CIC: variants seen among roughly 807,000 people sequenced by gnomAD.
CIC encodes the protein capicua transcriptional repressor.
Under a neutral mutation model 115.7 loss-of-function variants are expected in CIC, and 18 were observed. That is an observed-to-expected ratio of 0.16 (90% CI 0.11 to 0.23). The LOEUF is 0.23. Ranked by LOEUF, CIC falls within the 10% of genes least tolerant of loss-of-function variation. CIC has a pLI of 1.00. For synonymous variants in CIC, 1,076 were observed against 923.0 expected, an observed-to-expected ratio of 1.17 and a Z score of -3.01; for missense variants, 2,000 against 2,159.3, an observed-to-expected ratio of 0.93 and a Z score of 1.46.
intron 2 of CIC, among the ~76,000 whole-genome samples, chr19:42,285,096 G>A (rs1232177724): frequency 1.3e-5 from 2 of 152,130 alleles, no homozygotes; most frequent in Admixed American, 6.5e-5. Flanking sequence ...TGGTCCTAGG[G>A]GAGGAGGCTT....
At chr19:42,282,707 A>C (rs1331495696) in intron 2 of CIC, among the ~76,000 whole-genome samples, 2 of 152,208 alleles carry the variant, frequency 1.3e-5, no homozygotes, top group African/African-American at 4.8e-5. Flanking sequence ...TGATCTTGCC[A>C]CAGTTTATTC....
chr19:42,270,283 G>A lies in CIC; in HGVS notation c.-11+902G>A, dbSNP rs1260768300. Among the ~76,000 whole-genome samples, 3 of 152,204 alleles carry A rather than the reference G, an allele frequency of 2.0e-5. No homozygotes were observed. Among genetic ancestry groups the A allele is most frequent in the Non-Finnish European group, 4.4e-5 (3 of 68,034 alleles). ...AGGACCCCAGGATTGGCCCAAGAAA[G>A]GGCAGGCCTGGGACTCCAGGGTCCA... On this transcript the variant is annotated intron_variant, in intron 1 of 20. Coordinates refer to ENST00000681038, the MANE Select transcript of CIC (RefSeq NM_001386298.1). The surrounding 1 kb of genome is among the most constrained non-coding windows in gnomAD (Gnocchi z 4.1).
chr19:42,271,248 G>A (rs2036780321), intron 1 of CIC, among the ~76,000 whole-genome samples: 1 of 152,226 alleles, frequency 6.6e-6, no homozygotes, highest in Non-Finnish European at 1.5e-5. Context: ...AAATGGTCAG[G>A]AGCACGGACT....
At chr19:42,293,382 T>C (rs538050517) in intron 16 of CIC, 101 bp downstream of exon 16, 964 of 1,373,142 alleles carry the variant, frequency 7.0e-4, no homozygotes, top group Non-Finnish European at 7.3e-4. Flanking sequence ...TGCCTGTGTG[T>C]CTCTCAGGTT....
Position 42,292,339 on chromosome 19 carries a change from C to T in CIC, c.5775C>T (p.Pro1925=). ...YVQSAGGHAL[P]LGTSPASSQA... ...AGTCAGCGGGCGGGCACGCGCTGCC[C>T]CTGGGTACCAGCCCTGCGTCCAGCC... is the stretch of plus-strand genomic sequence containing the variant. The change falls in exon 14 of 21, where the codon CCC becomes CCT. Residue 1925 remains proline (P), a synonymous_variant. Coordinates refer to ENST00000681038, the MANE Select transcript of CIC (RefSeq NM_001386298.1). 1 of 1,613,116 alleles carries T rather than the reference C, an allele frequency of 6.2e-7. No homozygotes were observed. The highest frequency in any genetic ancestry group is 8.5e-7 in the Non-Finnish European group (1 of 1,179,960).
In CIC at chr19:42,290,968, T is replaced by C. The variant is rs1415670737; in HGVS notation, c.4927T>C (p.Ser1643Pro). The C allele has an allele frequency of 6.2e-7, 1 of 1,613,672 alleles. No individual in the cohort carries two copies. The highest frequency in any genetic ancestry group is 2.2e-5 in the East Asian group (1 of 44,878). ...CAGCTTAGTGTATTCGGACAAGAAG[T>C]CGGCAGCAGCCACCTCACCAGCCCC... The part of the protein sequence containing the change: ...GVSLVYSDKK[S>P]AAATSPAPHL... Residue 1643 changes from serine (S) to proline (P), a missense_variant, in exon 11 of 21, where the codon TCG becomes CCG. This residue lies in a region of CIC where 1,466 missense variants were observed against 1,390.4 expected (regional missense o/e 1.05). Transcript: ENST00000681038.
Position 42,295,219 on chromosome 19 carries a change from A to G in CIC, c.*28A>G, listed in dbSNP as rs1440458407. On this transcript the variant is annotated 3_prime_UTR_variant, in exon 21 of 21. Transcript: ENST00000681038. ...GACCCCTGAGAAGATGCCAGGACTT[A>G]TAGTACCCCCTCAGGACATGGACAG... 6.6e-7 allele frequency: 1 copy of G among 1,517,534 alleles called. No homozygotes were observed. Among genetic ancestry groups the G allele is most frequent in the Non-Finnish European group, 8.8e-7 (1 of 1,137,580 alleles). The allele number at this position is 1,517,534 out of a possible 1,614,324, so 94.0% of individuals were successfully genotyped here. A position where few individuals can be genotyped will look rare whatever the true frequency, so the allele number is the denominator to read the frequency against.
rs966865153 is a variant in CIC, at chr19:42,274,313, C to T, written c.2530C>T (p.Arg844Cys). The change falls in exon 2 of 21, where the codon CGT becomes TGT. Residue 844 changes from arginine to cysteine, a missense_variant. Physicochemically the swap from Arg to Cys is radical, Grantham distance 180. This residue lies in a region of CIC where 222 missense variants were observed against 247.7 expected (regional missense o/e 0.90). Coordinates refer to ENST00000681038, the MANE Select transcript of CIC (RefSeq NM_001386298.1). The part of the protein sequence containing the change: ...VRAGGPGRGC[R>C]ETPVPPGVAS... The stretch of plus-strand genomic sequence containing the variant: ...GGCTGGGGGACCTGGGCGGGGCTGC[C>T]GTGAAACCCCAGTGCCCCCTGGGGT... 1.0e-5 allele frequency: 4 copies of T among 398,616 alleles called. No individual in the cohort carries two copies. Among genetic ancestry groups the T allele is most frequent in the East Asian group, 3.6e-5 (1 of 28,052 alleles). 24.7% of individuals were successfully genotyped at this position (398,616 alleles called of 1,614,324 possible). A position where few individuals can be genotyped will look rare whatever the true frequency, so the allele number is the denominator to read the frequency against.
chr19:42,285,564 C>T (rs2037576236), intron 2 of CIC, among the ~76,000 whole-genome samples: 1 of 152,212 alleles, frequency 6.6e-6, no homozygotes, highest in Non-Finnish European at 1.5e-5. Flanking sequence ...GCACAGAGCT[C>T]CCCCCTGTCC....
chr19:42,279,304 G>T (rs2037115950), intron 2 of CIC, among the ~76,000 whole-genome samples: 1 of 152,182 alleles, frequency 6.6e-6, no homozygotes, highest in Non-Finnish European at 1.5e-5. Context: ...CCAGGGCTGA[G>T]CAGTCCTGGG....
intron 16 of CIC, 76 bp downstream of exon 16, chr19:42,293,357 C>T: frequency 6.9e-7 from 1 of 1,458,624 alleles, no homozygotes; most frequent in African/African-American, 1.4e-5. Context: ...CTTTTCTGTC[C>T]TACTCTTCTT....
chr19:42,293,497 C>G (rs1188653404), intron 16 of CIC, 95 bp from the exon 17 acceptor site: 78 of 1,592,442 alleles, frequency 4.9e-5, no homozygotes, highest in Non-Finnish European at 6.2e-5. Flanking sequence ...CTCAAGGGGT[C>G]TGCTGGGCGG....
chr19:42,293,549 C>CT, intron 16 of CIC, 43 bp from the exon 17 acceptor site: 1 of 1,613,286 alleles, frequency 6.2e-7, no homozygotes. Flanking sequence ...GCCCCAGAGT[C>CT]TGAGCTCAGT....
In CIC at chr19:42,292,104, G is replaced by C. The variant is rs1258006317; in HGVS notation, c.5632G>C (p.Val1878Leu). ...PPSKIIQLTP[V>L]PVSTPSGLVP... ...TCCACAGATCATCCAGCTGACCCCG[G>C]TGCCTGTGAGCACACCCAGCGGCCT... The change falls in exon 13 of 21, where the codon GTG becomes CTG. Residue 1878 changes from valine to leucine, a missense_variant. Physicochemically the swap from Val to Leu is conservative, Grantham distance 32. Coordinates refer to ENST00000681038, the MANE Select transcript of CIC (RefSeq NM_001386298.1). The C allele has an allele frequency of 6.2e-7, 1 of 1,613,874 alleles. No homozygotes were observed. The highest frequency in any genetic ancestry group is 1.7e-5 in the Admixed American group (1 of 60,022).
In CIC at chr19:42,292,750, C is replaced by T. The variant is rs757229851; in HGVS notation, c.6087C>T (p.Tyr2029=). 4.3e-6 allele frequency: 7 copies of T among 1,613,710 alleles called. No homozygotes were observed. In the African/African-American group the frequency reaches 6.7e-5, roughly 15 times the overall value. ...CCCAGGCCCCCCCAAGCCTGGTCTA[C>T]ACTGTGGCCACCAGCACAACCCCAC... is the stretch of plus-strand genomic sequence containing the variant. ...QPSQAPPSLV[Y]TVATSTTPPA... is the part of the protein sequence containing the mutation. The change falls in exon 15 of 21, where the codon TAC becomes TAT. Residue 2029 remains tyrosine (Y), a synonymous_variant. Transcript: ENST00000681038.
Position 42,281,113 on chromosome 19 carries a change from G to A in CIC, c.2795-5658G>A, listed in dbSNP as rs565859426. 9.3e-5 allele frequency among the ~76,000 whole-genome samples: 14 copies of A among 150,634 alleles called. No homozygotes were observed. The East Asian group carries it at 2.8e-3, about 30-fold the overall frequency. ...CTGGGCTCGTTCCCCAGGCAACCCT[G>A]GCCGTCGCCGACGCCGCCCGGGGTG... On this transcript the variant is annotated intron_variant, in intron 2 of 20. Coordinates refer to ENST00000681038, the MANE Select transcript of CIC (RefSeq NM_001386298.1).
rs769015142 is a variant in CIC, at chr19:42,293,189, C to G, written c.6430C>G (p.Leu2144Val). Residue 2144 changes from leucine (L) to valine (V), a missense_variant, in exon 16 of 21, where the codon CTG becomes GTG. Around this residue, in one of 8 missense-constraint regions of CIC, gnomAD observed 1,466 missense variants for 1,390.4 expected, o/e 1.05. Coordinates refer to ENST00000681038, the MANE Select transcript of CIC (RefSeq NM_001386298.1). ...GQPTPPAPPPLPETWTPTARS... is the reference protein window; with the variant it reads ...GQPTPPAPPPVPETWTPTARS... Reference sequence around the variant, plus strand: ...GCCCACACCACCAGCCCCTCCACCCCTGCCAGAGACCTGGACTCCCACGGC... The same window carrying G: ...GCCCACACCACCAGCCCCTCCACCCGTGCCAGAGACCTGGACTCCCACGGC... 28 of 1,601,466 alleles carry G rather than the reference C, an allele frequency of 1.7e-5. No individual in the cohort carries two copies. The highest frequency in any genetic ancestry group is 2.3e-5 in the Non-Finnish European group (27 of 1,174,912).
rs1169887744 is a variant in CIC, at chr19:42,292,639, C to T, written c.5976C>T (p.Ala1992=). ...TGCCCAGTCCCCAGCTGCCGCCTGC[C>T]TGTGCAGCCCCCGGAGGTCCTGTCA... is the stretch of plus-strand genomic sequence containing the variant. ...SPVPSPQLPP[A]CAAPGGPVIT... is the part of the protein sequence containing the mutation. Residue 1992 remains alanine, a synonymous_variant, in exon 15 of 21, where the codon GCC becomes GCT. Coordinates refer to ENST00000681038, the MANE Select transcript of CIC (RefSeq NM_001386298.1). 13 of 1,613,778 alleles carry T rather than the reference C, an allele frequency of 8.1e-6. No homozygotes were observed. The South Asian group carries it at 1.2e-4, about 15-fold the overall frequency.
chr19:42,286,646 T>G, intron 2 of CIC, 125 bp from the exon 3 acceptor site: 1 of 1,202,234 alleles, frequency 8.3e-7, no homozygotes, highest in Non-Finnish European at 1.2e-6. Flanking sequence ...TCCAAGAGGC[T>G]CTGGTGTTGG....
Sources: gnomAD v4.1 joint callset for allele counts (sites outside exome capture counted in the v4.1 genomes callset) on GRCh38, gnomAD v4.1.1 for gene constraint, gnomAD v4.1.1 regional missense constraint, Gnocchi (gnomAD v3.1) non-coding constraint, MANE v1.5 for transcripts, NCBI Gene and HGNC (gene_info 2026-07-23, HGNC 2026-07-21) for gene names.